STX18: variants seen among roughly 807,000 people sequenced by gnomAD.
The protein encoded by STX18 is syntaxin 18.
A neutral mutation model predicts 50.1 loss-of-function variants in STX18; 40 were observed. The ratio of observed to expected loss-of-function variants is 0.80; its 90% CI spans 0.62 to 1.04. The LOEUF (loss-of-function observed/expected upper bound fraction) is 1.04, where lower values mean the gene tolerates loss of function less well. Among genes scored for constraint, STX18 ranks in the 50% least tolerant of loss-of-function variants. STX18 has a pLI of 0.00. For missense variants in STX18, 410 were observed against 415.8 expected (o/e 0.99, Z 0.12); for synonymous variants, 158 against 151.8 (o/e 1.04, Z -0.30).
intron 1 of STX18, among the ~76,000 whole-genome samples, chr4:4,510,440 T>C (rs1729942544): frequency 6.6e-6 from 1 of 152,226 alleles, no homozygotes; most frequent in Non-Finnish European, 1.5e-5. Context: ...TTCATTAACA[T>C]TCTTTTCATC....
At chr4:4,428,589 G>A (rs1485448980) in intron 7 of STX18, among the ~76,000 whole-genome samples, 1 of 152,120 alleles carries the variant, frequency 6.6e-6, no homozygotes, top group African/African-American at 2.4e-5. Context: ...TGCAAAATGA[G>A]CGGTCAGATG....
chr4:4,507,709 G>A, intron 1 of STX18: 1 of 1,073,748 alleles, frequency 9.3e-7, no homozygotes, highest in Non-Finnish European at 1.4e-6. Flanking sequence ...AACACAGACT[G>A]AAACTTTTTC....
At chr4:4,513,837 C>A (rs1037945233) in intron 1 of STX18, among the ~76,000 whole-genome samples, 1 of 152,138 alleles carries the variant, frequency 6.6e-6, no homozygotes, top group Non-Finnish European at 1.5e-5. Flanking sequence ...CAATCATAAA[C>A]TTCTATTTTT....
At chr4:4,471,031 G>A (rs1727885968) in intron 2 of STX18, among the ~76,000 whole-genome samples, 1 of 150,806 alleles carries the variant, frequency 6.6e-6, no homozygotes, top group African/African-American at 2.5e-5. Context: ...GGGATGAACA[G>A]AAGGATTCAG....
At chr4:4,490,285 T>C (rs934648486) in intron 1 of STX18, among the ~76,000 whole-genome samples, 1 of 152,158 alleles carries the variant, frequency 6.6e-6, no homozygotes. Flanking sequence ...AGGGCCCATA[T>C]GTAACAATAG....
At chr4:4,433,402 C>G (rs1393218012) in intron 7 of STX18, among the ~76,000 whole-genome samples, 1 of 152,086 alleles carries the variant, frequency 6.6e-6, no homozygotes, top group African/African-American at 2.4e-5. Context: ...GCCGCAGGGT[C>G]CTCTGCCTAG....
intron 1 of STX18, among the ~76,000 whole-genome samples, chr4:4,528,703 G>A (rs1054533886): frequency 2.6e-5 from 4 of 152,226 alleles, no homozygotes; most frequent in African/African-American, 9.6e-5. Context: ...ACTGCCTGCT[G>A]CTGGCTCACA....
chr4:4,428,239 G>A (rs994263565), intron 7 of STX18, among the ~76,000 whole-genome samples: 3 of 152,248 alleles, frequency 2.0e-5, no homozygotes, highest in Non-Finnish European at 4.4e-5. Context: ...CTGGGGCAAT[G>A]CTGGGCCAGT....
At chr4:4,511,473 T>G (rs1001811566) in intron 1 of STX18, among the ~76,000 whole-genome samples, 14 of 152,332 alleles carry the variant, frequency 9.2e-5, no homozygotes, top group African/African-American at 3.4e-4. Context: ...GAGGACAGCA[T>G]AATTTTGATG....
At chr4:4,470,084 G>A (rs778337132) in intron 2 of STX18, among the ~76,000 whole-genome samples, 1 of 152,162 alleles carries the variant, frequency 6.6e-6, no homozygotes, top group Non-Finnish European at 1.5e-5. Context: ...ACGCCATGAG[G>A]GCAGGAATAT....
chr4:4,480,251 C>T lies in STX18; in HGVS notation c.169-8545G>A, dbSNP rs865776790. Among the ~76,000 whole-genome samples the T allele has an allele frequency of 4.1e-4, 63 of 152,148 alleles. 1 individual carries two copies. The highest frequency in any genetic ancestry group is 1.5e-3 in the African/African-American group (61 of 41,432). On this transcript the variant is annotated intron_variant, in intron 1 of 10. Coordinates refer to ENST00000306200, the MANE Select transcript of STX18 (RefSeq NM_016930.4). ...CAGATAAAACATGTTATTAAACAAT[C>T]AAAAAGGGTGAATCTTCCCACATAC...
intron 5 of STX18, among the ~76,000 whole-genome samples, chr4:4,439,153 C>A (rs1725956859): frequency 9.5e-6 from 1 of 105,530 alleles, no homozygotes; most frequent in South Asian, 3.4e-4. Context: ...CATATATATA[C>A]CCCCCACACA....
intron 1 of STX18, among the ~76,000 whole-genome samples, chr4:4,501,139 T>C (rs1358834852): frequency 3.9e-5 from 6 of 152,266 alleles, no homozygotes; most frequent in African/African-American, 1.4e-4. Flanking sequence ...GGACAAATTA[T>C]GCTGTAATGA....
intron 2 of STX18, among the ~76,000 whole-genome samples, chr4:4,471,311 T>C (rs1048900993): frequency 6.6e-6 from 1 of 152,202 alleles, no homozygotes; most frequent in Non-Finnish European, 1.5e-5. Flanking sequence ...AACTTTGTTC[T>C]TCCACAGGTT....
chr4:4,476,640 G>T (rs1728188746), intron 1 of STX18, among the ~76,000 whole-genome samples: 1 of 152,184 alleles, frequency 6.6e-6, no homozygotes, highest in African/African-American at 2.4e-5. Flanking sequence ...TCAGTTAGGT[G>T]TAATAATGAT....
chr4:4,542,204 C>G (rs879861905), upstream of STX18: 5 of 488,760 alleles, frequency 1.0e-5, no homozygotes, highest in Non-Finnish European at 1.8e-5. Context: ...GCATCGGTTT[C>G]TCCCAGCAAA....
At chr4:4,502,799 A>G (rs1729516332) in intron 1 of STX18, among the ~76,000 whole-genome samples, 1 of 152,182 alleles carries the variant, frequency 6.6e-6, no homozygotes. Context: ...CTGTCTTCCT[A>G]TGCAGATCTG....
chr4:4,423,820 A>G (rs1725095013), intron 8 of STX18: 1 of 554,094 alleles, frequency 1.8e-6, no homozygotes, highest in Non-Finnish European at 3.2e-6. Context: ...AGTCCACTCT[A>G]CCATGCCAAC....
intron 7 of STX18, among the ~76,000 whole-genome samples, chr4:4,428,867 A>G (rs1007019145): frequency 2.6e-5 from 4 of 152,064 alleles, no homozygotes; most frequent in Non-Finnish European, 5.9e-5. Context: ...GGAAATTCTT[A>G]TTTTCCTATG....
Sources: gnomAD v4.1 joint callset for allele counts (sites outside exome capture counted in the v4.1 genomes callset) on GRCh38, gnomAD v4.1.1 for gene constraint, MANE v1.5 for transcripts, NCBI Gene and HGNC (gene_info 2026-07-23, HGNC 2026-07-21) for gene names.